Variants in PMM2 observed in about 807,000 individuals in gnomAD.
The protein encoded by PMM2 is mannose-6-phosphate isomerase.
A neutral mutation model predicts 33.2 loss-of-function variants in PMM2; 35 were observed. The ratio of observed to expected loss-of-function variants is 1.06; its 90% CI spans 0.81 to 1.40. The LOEUF (loss-of-function observed/expected upper bound fraction) is 1.40. Among genes scored for constraint, PMM2 ranks in the 40% most tolerant of loss-of-function variants. PMM2 has a pLI of 0.00. For missense variants in PMM2, 386 were observed against 306.0 expected (o/e 1.26, Z -1.95); for synonymous variants, 153 against 114.7 (o/e 1.33, Z -2.13).
intron 7 of PMM2, among the ~76,000 whole-genome samples, chr16:8,823,959 A>T (rs1192484655): frequency 1.3e-5 from 2 of 152,246 alleles, no homozygotes; most frequent in African/African-American, 4.8e-5. Context: ...AGTAACCGGC[A>T]TCTCTAATTG....
chr16:8,802,084 A>C (rs1378255000), intron 2 of PMM2, 174 bp downstream of exon 2: 2 of 602,498 alleles, frequency 3.3e-6, no homozygotes, highest in African/African-American at 3.7e-5. Flanking sequence ...AATCCAGTAC[A>C]TTTCTGGAGT....
chr16:8,810,981 C>G (rs949802045), intron 4 of PMM2, 98 bp from the exon 5 acceptor site: 4 of 759,256 alleles, frequency 5.3e-6, no homozygotes, highest in Non-Finnish European at 7.0e-6. Context: ...ACACTAGCCT[C>G]TGCTTTTTAG....
chr16:8,810,735 C>T, intron 4 of PMM2: 1 of 362,558 alleles, frequency 2.8e-6, no homozygotes, highest in Non-Finnish European at 5.3e-6. Flanking sequence ...CATAACCATG[C>T]CAGGCTATTT....
chr16:8,843,904 G>T (rs527944489), intron 7 of PMM2, among the ~76,000 whole-genome samples: 176 of 152,166 alleles, frequency 1.2e-3, no homozygotes, highest in Non-Finnish European at 1.4e-3. Context: ...AGAAAAGGAA[G>T]ATTAGAAAGA....
chr16:8,822,256 A>T lies in PMM2; in HGVS notation c.639+9150A>T, dbSNP rs145833346. ...GGGATCAAAGAGCTGGTTGAGCCAG[A>T]TTACCTGTCTGTGTGGCATCAGATA... On this transcript the variant is annotated intron_variant, in intron 7 of 7. Coordinates refer to ENST00000268261, the MANE Select transcript of PMM2 (RefSeq NM_000303.3). Among the ~76,000 whole-genome samples the T allele has an allele frequency of 4.1e-3, 629 of 152,300 alleles. 5 individuals are homozygous for T. Among genetic ancestry groups the T allele is most frequent in the African/African-American group, 0.015 (603 of 41,576 alleles).
At chr16:8,812,911 A>G in intron 6 of PMM2, 80 bp from the exon 7 acceptor site, 1 of 844,036 alleles carries the variant, frequency 1.2e-6, no homozygotes, top group Non-Finnish European at 2.1e-6. Context: ...CTGACAAAAG[A>G]GTAAATTGTT....
chr16:8,832,491 G>A (rs1010083181), intron 7 of PMM2: 44 of 985,296 alleles, frequency 4.5e-5, no homozygotes, highest in Middle Eastern at 5.2e-4. Flanking sequence ...GACTCGTGCC[G>A]TTAGGCCTCT....
At chr16:8,800,621 G>C (rs1242322801) in intron 1 of PMM2, among the ~76,000 whole-genome samples, 1 of 148,028 alleles carries the variant, frequency 6.8e-6, no homozygotes, top group Non-Finnish European at 1.5e-5. Context: ...TTACATTTTT[G>C]TTTTGTTTTG....
At position 8,814,754 on chromosome 16, in the gene PMM2, C is replaced by T. The variant is rs139903489; in HGVS notation, c.639+1648C>T. Among the ~76,000 whole-genome samples, 583 of 152,314 alleles carry T rather than the reference C, an allele frequency of 3.8e-3. 5 individuals carry two copies. Among genetic ancestry groups the T allele is most frequent in the African/African-American group, 0.013 (557 of 41,566 alleles). On this transcript the variant is annotated intron_variant, in intron 7 of 7. Transcript: ENST00000268261. ...GCAAAAGCTGTACATATTTAACGCT[C>T]ACAGTTTCGTGAGTTTAATCATTGT...
intron 3 of PMM2, among the ~76,000 whole-genome samples, chr16:8,805,348 A>G (rs576255973): frequency 2.6e-5 from 4 of 152,202 alleles, no homozygotes; most frequent in South Asian, 2.1e-4. Context: ...GATTACAGGC[A>G]TGAGCCACCA....
At chr16:8,843,192 T>C (rs1008588512) in intron 7 of PMM2, among the ~76,000 whole-genome samples, 9 of 152,058 alleles carry the variant, frequency 5.9e-5, no homozygotes, top group East Asian at 1.9e-4. Flanking sequence ...ACAACAGTTA[T>C]GGAGGCAAGG....
chr16:8,845,795 C>CTTT (rs5815503), intron 7 of PMM2, among the ~76,000 whole-genome samples: 56 of 140,052 alleles, frequency 4.0e-4, no homozygotes, highest in South Asian at 1.6e-3. Flanking sequence ...TGAAAGAAAT[C>CTTT]TTTTTTTTTT....
At position 8,847,394 on chromosome 16, in the gene PMM2, C is replaced by A. The variant is rs200366327; in HGVS notation, c.640-330C>A. On this transcript the variant is annotated intron_variant, in intron 7 of 7. Coordinates refer to ENST00000268261, the MANE Select transcript of PMM2 (RefSeq NM_000303.3). ...GGTACAGCTAAAAAAAAAAAAAAAA[C>A]TGATGGCTGTGAGAATACTGTCACT... 0.013 allele frequency among the ~76,000 whole-genome samples: 1,168 copies of A among 93,124 alleles called. 16 individuals are homozygous for A. Among genetic ancestry groups the A allele is most frequent in the African/African-American group, 0.041 (1,108 of 27,106 alleles). 61.1% of individuals were successfully genotyped at this position (93,124 alleles called of 152,430 possible).
chr16:8,816,510 G>A (rs1186229486), intron 7 of PMM2, among the ~76,000 whole-genome samples: 7 of 151,896 alleles, frequency 4.6e-5, no homozygotes, highest in Non-Finnish European at 1.0e-4. Context: ...GGAGGCCAAG[G>A]TGGGCGGATC....
intron 7 of PMM2, among the ~76,000 whole-genome samples, chr16:8,819,582 C>A (rs923572238): frequency 2.6e-5 from 4 of 151,774 alleles, no homozygotes; most frequent in African/African-American, 9.7e-5. Context: ...GTAATCCTGG[C>A]TACTAGGGAG....
At chr16:8,833,210 A>G (rs930587263) in intron 7 of PMM2, among the ~76,000 whole-genome samples, 1 of 152,186 alleles carries the variant, frequency 6.6e-6, no homozygotes, top group African/African-American at 2.4e-5. Flanking sequence ...GTTAAGAGCA[A>G]TGTTTTGCGG....
intron 5 of PMM2, 97 bp downstream of exon 5, chr16:8,811,275 G>A (rs2060676338): frequency 2.3e-6 from 2 of 853,204 alleles, no homozygotes; most frequent in Admixed American, 2.0e-5. Flanking sequence ...CAACACTTTG[G>A]GAGGCCAAGG....
intron 7 of PMM2, among the ~76,000 whole-genome samples, chr16:8,839,046 A>G (rs763467677): frequency 6.6e-6 from 1 of 152,000 alleles, no homozygotes; most frequent in Non-Finnish European, 1.5e-5. Context: ...TAGACAGGCT[A>G]CGGAAGGTCA....
intron 7 of PMM2, chr16:8,842,526 A>C (rs1442950295): frequency 6.6e-6 from 1 of 152,228 alleles, no homozygotes; most frequent in African/African-American, 2.4e-5. Context: ...GTGAAAGCAA[A>C]GAGAGGCTGG....
Sources: gnomAD v4.1 joint callset for allele counts (sites outside exome capture counted in the v4.1 genomes callset) on GRCh38, gnomAD v4.1.1 for gene constraint, MANE v1.5 for transcripts, NCBI Gene and HGNC (gene_info 2026-07-23, HGNC 2026-07-21) for gene names.